The following CNTNAP2 variants were observed in gnomAD, a reference collection of about 807,000 sequenced individuals.
The protein encoded by CNTNAP2 is contactin associated protein 2, also known as contactin-associated protein-like 2.
Under a neutral mutation model 155.2 loss-of-function variants are expected in CNTNAP2, and 98 were observed. The ratio of observed to expected loss-of-function variants is 0.63; its 90% CI spans 0.54 to 0.75. The LOEUF is 0.75. CNTNAP2 is among the 30% of genes least tolerant of loss of function. The probability of loss-of-function intolerance (pLI) is 0.00; values close to 1 mark genes in which losing one functional copy is unlikely to be tolerated. For missense variants in CNTNAP2, 1,727 were observed against 1,688.1 expected (o/e 1.02, Z -0.40); for synonymous variants, 651 against 631.2 (o/e 1.03, Z -0.47).
chr7:146,954,827 T>C (rs1312200710), intron 3 of CNTNAP2, among the ~76,000 whole-genome samples: 1 of 151,948 alleles, frequency 6.6e-6, no homozygotes, highest in Non-Finnish European at 1.5e-5. Context: ...AATCCAAGTC[T>C]AGCTTTACTT....
chr7:146,256,797 A>C (rs530240691), intron 1 of CNTNAP2, among the ~76,000 whole-genome samples: 7 of 152,272 alleles, frequency 4.6e-5, no homozygotes, highest in East Asian at 1.9e-4. Context: ...GGAAAAAAAA[A>C]CATGAGATTT....
intron 1 of CNTNAP2, among the ~76,000 whole-genome samples, chr7:146,303,397 T>TG (rs1432852453): frequency 3.3e-5 from 5 of 151,920 alleles, no homozygotes; most frequent in African/African-American, 1.2e-4. Flanking sequence ...CAGAAGTTTT[T>TG]TTTTTAATTA....
At chr7:146,936,755 A>T (rs1796924058) in intron 3 of CNTNAP2, among the ~76,000 whole-genome samples, 1 of 152,158 alleles carries the variant, frequency 6.6e-6, no homozygotes, top group Non-Finnish European at 1.5e-5. Context: ...ACTGTGTTCA[A>T]AGAGGGCAAA....
At chr7:148,192,730 G>C (rs1404561610) in intron 18 of CNTNAP2, among the ~76,000 whole-genome samples, 1 of 152,172 alleles carries the variant, frequency 6.6e-6, no homozygotes, top group East Asian at 1.9e-4. Flanking sequence ...ATTTGCATCA[G>C]AATGAGAGAG....
intron 13 of CNTNAP2, among the ~76,000 whole-genome samples, chr7:147,803,726 G>A (rs1341197417): frequency 6.6e-6 from 1 of 152,156 alleles, no homozygotes; most frequent in Non-Finnish European, 1.5e-5. Context: ...ACTGTCAGCT[G>A]GGGGCCAATT....
At chr7:147,377,783 CCTGA>C (rs1402084871) in intron 9 of CNTNAP2, among the ~76,000 whole-genome samples, 1 of 151,774 alleles carries the variant, frequency 6.6e-6, no homozygotes, top group African/African-American at 2.4e-5. Flanking sequence ...TAAGAAGCTT[CCTGA>C]CTGTTTTAAA....
chr7:147,667,744 C>T (rs1217438700), intron 13 of CNTNAP2, among the ~76,000 whole-genome samples: 1 of 151,208 alleles, frequency 6.6e-6, no homozygotes, highest in Non-Finnish European at 1.5e-5. Flanking sequence ...GGCATTAAAG[C>T]ACTTTTTAAG....
chr7:148,078,252 T>C (rs1303718192), intron 15 of CNTNAP2, among the ~76,000 whole-genome samples: 3 of 151,944 alleles, frequency 2.0e-5, no homozygotes, highest in African/African-American at 7.2e-5. Context: ...TTAGTAGAGA[T>C]GGCATTTTGC....
chr7:148,370,591 A>T (rs1220049983), intron 21 of CNTNAP2, among the ~76,000 whole-genome samples: 1 of 152,080 alleles, frequency 6.6e-6, no homozygotes, highest in Non-Finnish European at 1.5e-5. Context: ...TGCCACACAG[A>T]ACAGGGGTCT....
intron 9 of CNTNAP2, among the ~76,000 whole-genome samples, chr7:147,352,918 A>G (rs1795991059): frequency 6.6e-6 from 1 of 151,776 alleles, no homozygotes; most frequent in Admixed American, 6.6e-5. Flanking sequence ...TGATACTTAA[A>G]CTTTACTAAG....
chr7:146,179,254 C>T (rs1798515181), intron 1 of CNTNAP2, among the ~76,000 whole-genome samples: 1 of 151,962 alleles, frequency 6.6e-6, no homozygotes, highest in Admixed American at 6.6e-5. Flanking sequence ...CCGTTCTGGA[C>T]AGGGTATCGC....
chr7:147,927,341 T>C (rs968333069), intron 14 of CNTNAP2, among the ~76,000 whole-genome samples: 7 of 152,344 alleles, frequency 4.6e-5, no homozygotes, highest in Middle Eastern at 3.4e-3. Context: ...ATTAGATTCA[T>C]TGAAATACTT....
intron 1 of CNTNAP2, among the ~76,000 whole-genome samples, chr7:146,621,580 A>G (rs1799318075): frequency 6.6e-6 from 1 of 152,160 alleles, no homozygotes; most frequent in Admixed American, 6.5e-5. Flanking sequence ...GATTGACCTA[A>G]TGTTTTTCTC....
chr7:146,831,579 G>A (rs1803512095), intron 2 of CNTNAP2, among the ~76,000 whole-genome samples: 1 of 150,526 alleles, frequency 6.6e-6, no homozygotes, highest in Non-Finnish European at 1.5e-5. Flanking sequence ...GGGAGGCTGA[G>A]GCAGGAGAAT....
chr7:147,208,017 T>C (rs986897311), intron 8 of CNTNAP2, among the ~76,000 whole-genome samples: 4 of 152,152 alleles, frequency 2.6e-5, no homozygotes, highest in South Asian at 2.1e-4. Context: ...CTATGGGCTA[T>C]TGTTGGATGA....
At chr7:147,826,941 T>TC (rs1209735029) in intron 13 of CNTNAP2, among the ~76,000 whole-genome samples, 1 of 149,870 alleles carries the variant, frequency 6.7e-6, no homozygotes, top group Non-Finnish European at 1.5e-5. Flanking sequence ...TTTTTTTTTT[T>TC]TTTTTTTGAG....
chr7:146,863,550 A>G (rs1333068512), intron 3 of CNTNAP2, among the ~76,000 whole-genome samples: 3 of 127,404 alleles, frequency 2.4e-5, no homozygotes, highest in African/African-American at 6.6e-5. Context: ...ATGTGATTCA[A>G]TAAAAGTCAC....
At chr7:146,216,728 AGAAAACACAT>A (rs1799120101) in intron 1 of CNTNAP2, among the ~76,000 whole-genome samples, 1 of 152,220 alleles carries the variant, frequency 6.6e-6, no homozygotes, top group Admixed American at 6.5e-5. Flanking sequence ...CGCACTCTGG[AGAAAACACAT>A]GAAATCACAA....
At chr7:146,513,938 G>T (rs925656757) in intron 1 of CNTNAP2, among the ~76,000 whole-genome samples, 7 of 151,896 alleles carry the variant, frequency 4.6e-5, no homozygotes, top group Non-Finnish European at 7.4e-5. Flanking sequence ...AGGTTTGAAG[G>T]ATACTTTTAC....
Sources: allele counts gnomAD v4.1 joint callset (sites outside exome capture counted in the v4.1 genomes callset), GRCh38; gene constraint gnomAD v4.1.1; transcripts MANE v1.5; gene names NCBI Gene and HGNC (gene_info 2026-07-23, HGNC 2026-07-21).